The following SNTG1 variants were observed in gnomAD, a reference collection of about 807,000 sequenced individuals.
SNTG1 encodes the protein gamma-1-syntrophin.
SNTG1 carries 39 observed loss-of-function variants against 74.7 expected under a neutral mutation model. The ratio of observed to expected loss-of-function variants is 0.52; its 90% CI spans 0.40 to 0.68. The LOEUF is 0.68. Among genes scored for constraint, SNTG1 ranks in the 30% least tolerant of loss-of-function variants. The pLI is 0.00. For missense variants in SNTG1, 685 were observed against 609.5 expected (o/e 1.12, Z -1.30); for synonymous variants, 254 against 217.1 (o/e 1.17, Z -1.49).
At chr8:50,413,515 C>A (rs1448255010) in intron 4 of SNTG1, among the ~76,000 whole-genome samples, 1 of 152,168 alleles carries the variant, frequency 6.6e-6, no homozygotes, top group Non-Finnish European at 1.5e-5. Context: ...CATGCCCATC[C>A]ACGCCCCATG....
chr8:50,263,541 T>C (rs1012499241), intron 2 of SNTG1, among the ~76,000 whole-genome samples: 4 of 151,978 alleles, frequency 2.6e-5, no homozygotes, highest in African/African-American at 9.7e-5. Context: ...ATAATGCAAA[T>C]GATGATCTTA....
intron 2 of SNTG1, among the ~76,000 whole-genome samples, chr8:50,190,093 T>C (rs1316079062): frequency 6.6e-6 from 1 of 152,152 alleles, no homozygotes; most frequent in Non-Finnish European, 1.5e-5. Flanking sequence ...ATGTACTGAA[T>C]ACCTGCTATA....
intron 1 of SNTG1, among the ~76,000 whole-genome samples, chr8:50,083,707 G>A (rs1253467576): frequency 6.6e-6 from 1 of 152,162 alleles, no homozygotes; most frequent in East Asian, 1.9e-4. Context: ...ATCCCTTGTG[G>A]TGGTGTGCTA....
chr8:50,787,256 C>A (rs1227557836), intron 18 of SNTG1, among the ~76,000 whole-genome samples: 1 of 151,708 alleles, frequency 6.6e-6, no homozygotes, highest in Non-Finnish European at 1.5e-5. Context: ...CATTAGTCAT[C>A]AAAATGCAAA....
rs528205615 is a variant in SNTG1, at chr8:50,284,428, C to A, written c.-27-109784C>A. On this transcript the variant is annotated intron_variant, in intron 2 of 18. Coordinates refer to ENST00000642720, the MANE Select transcript of SNTG1 (RefSeq NM_018967.5). Reference sequence around the variant, plus strand: ...ATCATTGTTGAGGCTCATGATGCATCTCTACTGTCTTATTTCATTGTTCAA... The same window carrying A: ...ATCATTGTTGAGGCTCATGATGCATATCTACTGTCTTATTTCATTGTTCAA... 3.9e-5 allele frequency among the ~76,000 whole-genome samples: 6 copies of A among 152,198 alleles called. No individual in the cohort carries two copies. In the South Asian group the frequency reaches 8.3e-4, roughly 21 times the overall value.
chr8:50,537,535 A>T (rs748533900), intron 11 of SNTG1, among the ~76,000 whole-genome samples: 5 of 152,044 alleles, frequency 3.3e-5, no homozygotes, highest in Non-Finnish European at 7.4e-5. Context: ...CAGTTTTGCT[A>T]AGGAGTTGTA....
At chr8:50,235,308 T>C (rs2085831793) in intron 2 of SNTG1, among the ~76,000 whole-genome samples, 1 of 152,112 alleles carries the variant, frequency 6.6e-6, no homozygotes, top group African/African-American at 2.4e-5. Context: ...GGGATGAATG[T>C]GGAGGGCATT....
chr8:50,389,339 T>C (rs943624635), intron 2 of SNTG1, among the ~76,000 whole-genome samples: 1 of 152,164 alleles, frequency 6.6e-6, no homozygotes, highest in Non-Finnish European at 1.5e-5. Context: ...TATTGGAAAC[T>C]ATGTTTCTCA....
intron 17 of SNTG1, among the ~76,000 whole-genome samples, chr8:50,717,280 GT>G (rs1165689382): frequency 6.6e-6 from 1 of 151,736 alleles, no homozygotes; most frequent in Non-Finnish European, 1.5e-5. Flanking sequence ...CTGGATTAAT[GT>G]TTTTATGATT....
intron 1 of SNTG1, among the ~76,000 whole-genome samples, chr8:49,945,449 A>T (rs1174262163): frequency 6.6e-6 from 1 of 152,198 alleles, no homozygotes; most frequent in African/African-American, 2.4e-5. Flanking sequence ...GTCTGCATTC[A>T]TTTAACCTTT....
intron 2 of SNTG1, among the ~76,000 whole-genome samples, chr8:50,356,801 A>C (rs545592594): frequency 6.6e-6 from 1 of 152,242 alleles, no homozygotes; most frequent in African/African-American, 2.4e-5. Context: ...ACCCATTCAA[A>C]CCATAGCATT....
intron 18 of SNTG1, among the ~76,000 whole-genome samples, chr8:50,763,550 T>C (rs572965708): frequency 1.3e-5 from 2 of 151,300 alleles, no homozygotes; most frequent in Non-Finnish European, 3.0e-5. Context: ...CTGTTTTTAT[T>C]AGTATTATAC....
intron 8 of SNTG1, among the ~76,000 whole-genome samples, chr8:50,476,897 C>A (rs1385882391): frequency 7.3e-6 from 1 of 137,510 alleles, no homozygotes; most frequent in Admixed American, 7.2e-5. Context: ...GAGGGATAAA[C>A]ATACACACAC....
intron 17 of SNTG1, among the ~76,000 whole-genome samples, chr8:50,718,684 A>C (rs549508360): frequency 6.6e-6 from 1 of 152,180 alleles, no homozygotes; most frequent in Non-Finnish European, 1.5e-5. Context: ...AAAGCATGTC[A>C]TGTGGTTGAG....
intron 2 of SNTG1, among the ~76,000 whole-genome samples, chr8:50,216,214 C>T (rs931583871): frequency 2.0e-5 from 3 of 152,268 alleles, no homozygotes; most frequent in South Asian, 2.1e-4. Context: ...AGGATAGGAA[C>T]ATTTGTAAAT....
At chr8:50,084,539 C>T (rs1367371123) in intron 1 of SNTG1, among the ~76,000 whole-genome samples, 1 of 152,168 alleles carries the variant, frequency 6.6e-6, no homozygotes, top group Non-Finnish European at 1.5e-5. Flanking sequence ...TATATGACCT[C>T]AGATAAGTCA....
intron 2 of SNTG1, among the ~76,000 whole-genome samples, chr8:50,301,531 A>T (rs1326948251): frequency 6.6e-6 from 1 of 152,088 alleles, no homozygotes; most frequent in Admixed American, 6.6e-5. Flanking sequence ...ACTTACAATA[A>T]TTGATTTGGA....
At chr8:50,042,228 G>A (rs1012247566) in intron 1 of SNTG1, among the ~76,000 whole-genome samples, 1 of 151,718 alleles carries the variant, frequency 6.6e-6, no homozygotes, top group Non-Finnish European at 1.5e-5. Context: ...TCTCTCTCTG[G>A]GATCTGTTCC....
At position 49,983,269 on chromosome 8, in the gene SNTG1, T is replaced by C. The variant is rs1812847399; in HGVS notation, c.-103+71038T>C. ...CTGATTAATCATTGTAAACAGCGAGTTGTCTATTCATCAAGTAAAAGTTTA... is the reference window on the plus strand; with the variant it reads ...CTGATTAATCATTGTAAACAGCGAGCTGTCTATTCATCAAGTAAAAGTTTA... On this transcript the variant is annotated intron_variant, in intron 1 of 18. Transcript: ENST00000642720. Among the ~76,000 whole-genome samples, 3 of 152,234 alleles carry C rather than the reference T, an allele frequency of 2.0e-5. No individual in the cohort carries two copies. The South Asian group carries it at 6.2e-4, about 32-fold the overall frequency.
Sources: allele counts gnomAD v4.1 joint callset (sites outside exome capture counted in the v4.1 genomes callset), GRCh38; gene constraint gnomAD v4.1.1; transcripts MANE v1.5; gene names NCBI Gene and HGNC (gene_info 2026-07-23, HGNC 2026-07-21).